The following DAB1 variants were observed in gnomAD, a reference collection of about 807,000 sequenced individuals.
DAB1 encodes disabled homolog 1.
A neutral mutation model predicts 64.6 loss-of-function variants in DAB1; 15 were observed. The observed-to-expected ratio is 0.23, with a 90% confidence interval of 0.16 to 0.36. The LOEUF (loss-of-function observed/expected upper bound fraction) is 0.36, where lower values mean the gene tolerates loss of function less well. DAB1 is among the 10% of genes least tolerant of loss of function. The pLI is 1.00. For missense variants in DAB1, 596 were observed against 706.7 expected (o/e 0.84, Z 1.78); for synonymous variants, 235 against 251.9 (o/e 0.93, Z 0.64).
chr1:57,725,198 C>T (rs763094299), intron 6 of DAB1, among the ~76,000 whole-genome samples: 1 of 152,178 alleles, frequency 6.6e-6, no homozygotes, highest in Non-Finnish European at 1.5e-5. Flanking sequence ...CCATGACATA[C>T]CTATTTTCCT....
At chr1:57,627,768 T>G (rs1224026998) in intron 7 of DAB1, among the ~76,000 whole-genome samples, 2 of 152,204 alleles carry the variant, frequency 1.3e-5, no homozygotes, top group Non-Finnish European at 2.9e-5. Flanking sequence ...ATTTACTGAG[T>G]AAATGCATTG....
At chr1:57,745,857 T>C (rs1648236980) in intron 6 of DAB1, among the ~76,000 whole-genome samples, 2 of 152,202 alleles carry the variant, frequency 1.3e-5, no homozygotes, top group African/African-American at 4.8e-5. Context: ...ATTAAGTGGA[T>C]ATCTTTAATA....
In DAB1 at chr1:57,394,520, A is replaced by C. The variant is rs537763129; in HGVS notation, c.-137+29410T>G. On this transcript the variant is annotated intron_variant, in intron 1 of 14. Transcript: ENST00000371236. ...AAAGAGAATAAGCTGTATGCACCAC[A>C]TTCTTTTTGTTATGTTAGAATTAGG... 3.9e-5 allele frequency among the ~76,000 whole-genome samples: 6 copies of C among 152,322 alleles called. No homozygotes were observed. The East Asian group carries it at 1.2e-3, about 29-fold the overall frequency.
At chr1:57,441,272 C>CTCTTTCTT (rs60171938) in intron 7 of DAB1, among the ~76,000 whole-genome samples, 2,783 of 72,406 alleles carry the variant, frequency 0.038, 41 homozygotes, top group Non-Finnish European at 0.062. Context: ...TTCTTTCTTT[C>CTCTTTCTT]TCTTTCTTTC....
chr1:57,153,698 C>T (rs376575479), intron 2 of DAB1, among the ~76,000 whole-genome samples: 269 of 151,884 alleles, frequency 1.8e-3, no homozygotes, highest in Non-Finnish European at 2.8e-3. Context: ...AGGGCAGTGG[C>T]GCAATCTCGG....
chr1:58,156,864 G>A (rs1311614895), intron 4 of DAB1, among the ~76,000 whole-genome samples: 1 of 152,168 alleles, frequency 6.6e-6, no homozygotes, highest in African/African-American at 2.4e-5. Flanking sequence ...GGGGTTGCAA[G>A]CTAAGAGAAG....
At chr1:58,142,487 G>A (rs767646108) in intron 5 of DAB1, among the ~76,000 whole-genome samples, 7 of 152,210 alleles carry the variant, frequency 4.6e-5, no homozygotes, top group Non-Finnish European at 8.8e-5. Flanking sequence ...TGATCTAGGG[G>A]AGATGGGCAC....
chr1:57,815,363 C>T (rs892050862), intron 6 of DAB1, among the ~76,000 whole-genome samples: 3 of 152,098 alleles, frequency 2.0e-5, no homozygotes, highest in Non-Finnish European at 2.9e-5. Context: ...ACCCCATGCC[C>T]GGCCAAAACT....
chr1:57,712,917 G>A (rs1647043335), intron 6 of DAB1, among the ~76,000 whole-genome samples: 1 of 152,148 alleles, frequency 6.6e-6, no homozygotes, highest in Non-Finnish European at 1.5e-5. Flanking sequence ...GGAAGATAGA[G>A]TGCCACTTGG....
intron 1 of DAB1, among the ~76,000 whole-genome samples, chr1:57,327,234 C>G (rs985715608): frequency 6.6e-6 from 1 of 152,102 alleles, no homozygotes; most frequent in African/African-American, 2.4e-5. Flanking sequence ...AGCTACAATG[C>G]CTGGCCTACA....
chr1:58,002,195 C>A (rs932063199), intron 5 of DAB1, among the ~76,000 whole-genome samples: 2 of 152,194 alleles, frequency 1.3e-5, no homozygotes, highest in African/African-American at 2.4e-5. Context: ...GCAACTGATA[C>A]ACTGATCTTG....
At position 57,239,696 on chromosome 1, in the gene DAB1, T is replaced by C. The variant is rs186892657; in HGVS notation, c.67+51268A>G. On this transcript the variant is annotated intron_variant, in intron 2 of 14. Transcript: ENST00000371236. ...TGTCTTCTCTTTATTTTTCTTTTTATTTACCCAAAAGATTATTTCATCCTG... is the reference window on the plus strand; with the variant it reads ...TGTCTTCTCTTTATTTTTCTTTTTACTTACCCAAAAGATTATTTCATCCTG... Among the ~76,000 whole-genome samples, 125 of 152,294 alleles carry C rather than the reference T, an allele frequency of 8.2e-4. 1 individual carries two copies. The highest frequency in any genetic ancestry group is 2.8e-3 in the African/African-American group (115 of 41,556).
chr1:57,664,638 A>T (rs978579071), intron 6 of DAB1, among the ~76,000 whole-genome samples: 5 of 152,106 alleles, frequency 3.3e-5, no homozygotes, highest in Admixed American at 2.0e-4. Context: ...ATAATTATGG[A>T]TGTGTCCAAA....
At chr1:57,502,038 C>T (rs938608961) in intron 7 of DAB1, among the ~76,000 whole-genome samples, 6 of 151,900 alleles carry the variant, frequency 3.9e-5, no homozygotes, top group African/African-American at 1.5e-4. Flanking sequence ...TGAAAGAAAC[C>T]GGCCGGTCGC....
At chr1:58,112,365 A>G (rs1164423839) in intron 5 of DAB1, among the ~76,000 whole-genome samples, 1 of 152,236 alleles carries the variant, frequency 6.6e-6, no homozygotes, top group Non-Finnish European at 1.5e-5. Flanking sequence ...CAAGTATAAA[A>G]TAGGCATTCA....
intron 5 of DAB1, among the ~76,000 whole-genome samples, chr1:57,946,885 A>T (rs568171805): frequency 3.3e-5 from 5 of 152,348 alleles, no homozygotes; most frequent in South Asian, 4.1e-4. Flanking sequence ...TATGATACAC[A>T]TGCCTAGCCG....
chr1:57,021,414 C>A (rs1403715987), intron 11 of DAB1, among the ~76,000 whole-genome samples: 1 of 152,164 alleles, frequency 6.6e-6, no homozygotes. Context: ...TTGTAATAAT[C>A]CCCATGTGGA....
chr1:57,271,588 A>G (rs995586155), intron 2 of DAB1, among the ~76,000 whole-genome samples: 2 of 152,190 alleles, frequency 1.3e-5, no homozygotes, highest in Non-Finnish European at 2.9e-5. Flanking sequence ...CTCAGGGGAC[A>G]TGGTCTGGTA....
At chr1:57,436,209 G>A (rs544190858) in intron 7 of DAB1, among the ~76,000 whole-genome samples, 2 of 152,038 alleles carry the variant, frequency 1.3e-5, no homozygotes, top group African/African-American at 4.8e-5. Flanking sequence ...GAGCCACCAT[G>A]CCCGGCTGTG....
Sources: gnomAD v4.1 joint callset for allele counts (sites outside exome capture counted in the v4.1 genomes callset) on GRCh38, gnomAD v4.1.1 for gene constraint, MANE v1.5 for transcripts, NCBI Gene and HGNC (gene_info 2026-07-23, HGNC 2026-07-21) for gene names.